The following ARHGAP15 variants were observed in gnomAD, a reference collection of about 807,000 sequenced individuals.
The protein encoded by ARHGAP15 is Rho GTPase activating protein 15.
In ARHGAP15, 51 loss-of-function variants were observed where a neutral mutation model predicts 63.7. That is an observed-to-expected ratio of 0.80 (90% CI 0.64 to 1.01). ARHGAP15 has a LOEUF of 1.01. Among genes scored for constraint, ARHGAP15 ranks in the 50% least tolerant of loss-of-function variants. The pLI is 0.00. For missense variants in ARHGAP15, 560 were observed against 564.6 expected (o/e 0.99, Z 0.08); for synonymous variants, 191 against 193.8 (o/e 0.99, Z 0.12).
intron 1 of ARHGAP15, among the ~76,000 whole-genome samples, chr2:143,150,318 A>G (rs1689765337): frequency 6.6e-6 from 1 of 151,988 alleles, no homozygotes; most frequent in South Asian, 2.1e-4. Flanking sequence ...GCAACAAATA[A>G]TTGGGAGAGC....
intron 6 of ARHGAP15, among the ~76,000 whole-genome samples, chr2:143,271,544 C>G (rs1476315937): frequency 6.6e-6 from 1 of 152,198 alleles, no homozygotes; most frequent in Non-Finnish European, 1.5e-5. Context: ...GGCGCGATCT[C>G]GTCTCACTGC....
At chr2:143,250,711 T>A in intron 6 of ARHGAP15, 111 bp downstream of exon 6, 1 of 829,846 alleles carries the variant, frequency 1.2e-6, no homozygotes, top group Non-Finnish European at 1.9e-6. Flanking sequence ...CATGAACTCG[T>A]TGTCTGAAGG....
At chr2:143,427,935 A>G (rs558940909) in intron 6 of ARHGAP15, among the ~76,000 whole-genome samples, 1 of 152,274 alleles carries the variant, frequency 6.6e-6, no homozygotes, top group South Asian at 2.1e-4. Flanking sequence ...CAAAATGAAT[A>G]AAGTAGATAA....
intron 13 of ARHGAP15, among the ~76,000 whole-genome samples, chr2:143,765,329 A>G (rs1450825215): frequency 6.6e-6 from 1 of 152,186 alleles, no homozygotes; most frequent in Admixed American, 6.5e-5. Context: ...GCAAAGGTCC[A>G]TTCCACTTGC....
intron 8 of ARHGAP15, among the ~76,000 whole-genome samples, chr2:143,471,191 TACAC>T (rs1330317884): frequency 7.1e-6 from 1 of 141,500 alleles, no homozygotes; most frequent in Non-Finnish European, 1.6e-5. Flanking sequence ...TGTGTATATA[TACAC>T]ACATATATGT....
At chr2:143,265,115 C>T (rs1680923233) in intron 6 of ARHGAP15, among the ~76,000 whole-genome samples, 1 of 151,654 alleles carries the variant, frequency 6.6e-6, no homozygotes, top group South Asian at 2.1e-4. Context: ...TGAAAAGTTA[C>T]AAGGGAAAAA....
intron 9 of ARHGAP15, among the ~76,000 whole-genome samples, chr2:143,494,808 C>A (rs1376618406): frequency 1.3e-5 from 2 of 152,126 alleles, no homozygotes; most frequent in African/African-American, 4.8e-5. Context: ...CCACACTAAT[C>A]CCATACCTCA....
intron 2 of ARHGAP15, among the ~76,000 whole-genome samples, chr2:143,195,095 CAAG>C (rs1691838574): frequency 6.6e-6 from 1 of 151,918 alleles, no homozygotes; most frequent in African/African-American, 2.4e-5. Context: ...TATTTGTCCT[CAAG>C]AAGGTTTTTG....
chr2:143,376,372 T>G (rs912842427), intron 6 of ARHGAP15, among the ~76,000 whole-genome samples: 2 of 152,190 alleles, frequency 1.3e-5, no homozygotes, highest in African/African-American at 4.8e-5. Context: ...AAATATTTCC[T>G]GAACAATGTT....
chr2:143,570,150 C>A (rs1696393074), intron 11 of ARHGAP15, among the ~76,000 whole-genome samples: 1 of 152,082 alleles, frequency 6.6e-6, no homozygotes, highest in Non-Finnish European at 1.5e-5. Flanking sequence ...TCCCTTACAA[C>A]CATCCTAATG....
At chr2:143,348,144 TCA>T (rs1046196846) in intron 6 of ARHGAP15, among the ~76,000 whole-genome samples, 1 of 152,188 alleles carries the variant, frequency 6.6e-6, no homozygotes, top group Non-Finnish European at 1.5e-5. Flanking sequence ...AGGTCATATG[TCA>T]CAGTCATTTT....
chr2:143,562,242 G>T (rs969287922), intron 11 of ARHGAP15, among the ~76,000 whole-genome samples: 1 of 152,014 alleles, frequency 6.6e-6, no homozygotes, highest in South Asian at 2.1e-4. Flanking sequence ...CATATTATTT[G>T]CAGCATCAAA....
intron 6 of ARHGAP15, among the ~76,000 whole-genome samples, chr2:143,421,574 T>A (rs998237553): frequency 3.3e-5 from 5 of 151,976 alleles, no homozygotes; most frequent in African/African-American, 1.2e-4. Context: ...AATTCTGTGA[T>A]CCTTTAGTGG....
rs1402595733 is a variant in ARHGAP15, at chr2:143,349,545, A to C, written c.475-86056A>C. On this transcript the variant is annotated intron_variant, in intron 6 of 13. Coordinates refer to ENST00000295095, the MANE Select transcript of ARHGAP15 (RefSeq NM_018460.4). ...TGAGGGTCACTTTGCATGTGAAGAT[A>C]TCTCTGCTGAAGCCAATTAATGCAT... 2.0e-5 allele frequency among the ~76,000 whole-genome samples: 3 copies of C among 152,228 alleles called. No homozygotes were observed. The East Asian group carries it at 5.8e-4, about 29-fold the overall frequency.
intron 12 of ARHGAP15, among the ~76,000 whole-genome samples, chr2:143,666,377 T>C (rs139747668): frequency 3.9e-5 from 6 of 152,284 alleles, no homozygotes; most frequent in African/African-American, 1.2e-4. Context: ...TGTACAAAGC[T>C]GAAACTGTAT....
intron 5 of ARHGAP15, among the ~76,000 whole-genome samples, chr2:143,232,547 A>G (rs1284748730): frequency 6.6e-6 from 1 of 152,232 alleles, no homozygotes; most frequent in Non-Finnish European, 1.5e-5. Flanking sequence ...CATTTTAAGT[A>G]AAATGTATAA....
chr2:143,656,928 G>T (rs1483669913), intron 12 of ARHGAP15, among the ~76,000 whole-genome samples: 1 of 89,794 alleles, frequency 1.1e-5, no homozygotes, highest in Non-Finnish European at 2.4e-5. Context: ...CTAAGACAAA[G>T]TTTCTGGTGT....
intron 6 of ARHGAP15, among the ~76,000 whole-genome samples, chr2:143,412,989 C>T (rs1688505301): frequency 6.6e-6 from 1 of 151,906 alleles, no homozygotes; most frequent in Non-Finnish European, 1.5e-5. Context: ...TGGTTATTTC[C>T]AATTAGCTGC....
Position 143,435,714 on chromosome 2 carries a change from TGGCTGTTACCTTTATTAATTA to T in ARHGAP15, c.573+16_573+36del. 6.2e-7 allele frequency: 1 copy of T among 1,600,848 alleles called. No homozygotes were observed. On this transcript the variant is annotated intron_variant, in intron 7 of 13. Coordinates refer to ENST00000295095, the MANE Select transcript of ARHGAP15 (RefSeq NM_018460.4). Reference sequence around the variant, plus strand: ...TTGACAGATTGGTATGTATTTGTTTTGGCTGTTACCTTTATTAATTAAAATGTAGTCATTTAAATCTTATTG... The same window carrying T: ...TTGACAGATTGGTATGTATTTGTTTTAAATGTAGTCATTTAAATCTTATTG...
Sources: gnomAD v4.1 joint callset for allele counts (sites outside exome capture counted in the v4.1 genomes callset) on GRCh38, gnomAD v4.1.1 for gene constraint, MANE v1.5 for transcripts, NCBI Gene and HGNC (gene_info 2026-07-23, HGNC 2026-07-21) for gene names.